Variants in CCN4 observed in about 807,000 individuals in gnomAD.
CCN4 encodes CCN family member 4.
CCN4 carries 30 observed loss-of-function variants against 36.7 expected under a neutral mutation model. The ratio of observed to expected loss-of-function variants is 0.82; its 90% CI spans 0.61 to 1.11. The LOEUF (loss-of-function observed/expected upper bound fraction) is 1.11. Among genes scored for constraint, CCN4 ranks in the 50% least tolerant of loss-of-function variants. The pLI is 0.00. For synonymous variants in CCN4, 191 were observed against 195.4 expected (o/e 0.98, Z 0.19); for missense variants, 505 against 504.9 (o/e 1.00, Z 0.00).
intron 3 of CCN4, among the ~76,000 whole-genome samples, chr8:133,221,303 A>G (rs966066769): frequency 1.3e-4 from 20 of 152,212 alleles, no homozygotes; most frequent in African/African-American, 4.8e-4. Flanking sequence ...GAAGCCCTGG[A>G]AAAGAAGAGT....
intron 1 of CCN4, among the ~76,000 whole-genome samples, chr8:133,194,628 G>T (rs1853274055): frequency 7.8e-6 from 1 of 127,516 alleles, no homozygotes. Context: ...AGTGTGTGTG[G>T]GGTGTGTGGG....
intron 1 of CCN4, among the ~76,000 whole-genome samples, chr8:133,202,683 G>A (rs1051763081): frequency 2.6e-5 from 4 of 152,198 alleles, no homozygotes; most frequent in African/African-American, 7.2e-5. Flanking sequence ...GTGCGGTGGG[G>A]GAAGGAGGAG....
chr8:133,194,929 TGTGTGTGTG>T (rs1564248885), intron 1 of CCN4, among the ~76,000 whole-genome samples: 1 of 137,110 alleles, frequency 7.3e-6, no homozygotes, highest in Non-Finnish European at 1.6e-5. Context: ...ATGGTGTGTT[TGTGTGTGTG>T]GTGTGTGTGT....
intron 1 of CCN4, among the ~76,000 whole-genome samples, chr8:133,199,588 C>T (rs926831287): frequency 1.3e-5 from 2 of 152,132 alleles, no homozygotes; most frequent in Non-Finnish European, 2.9e-5. Context: ...TCTCATGGTC[C>T]TTTTGGGAGC....
intron 2 of CCN4, among the ~76,000 whole-genome samples, chr8:133,214,282 A>T (rs1160171553): frequency 9.6e-4 from 1 of 1,044 alleles, no homozygotes; most frequent in Non-Finnish European, 1.7e-3. Context: ...CTCAATAACC[A>T]CCTGATATAA....
At chr8:133,225,705 T>A in intron 4 of CCN4, 122 bp downstream of exon 4, 1 of 1,009,246 alleles carries the variant, frequency 9.9e-7, no homozygotes, top group Non-Finnish European at 1.4e-6. Flanking sequence ...GCTCACCTGG[T>A]AGGTCTGGTG....
Position 133,220,744 on chromosome 8 carries a change from G to A in CCN4, c.513G>A (p.Arg171=), listed in dbSNP as rs929291998. The change falls in exon 3 of 5, where the codon CGG becomes CGA. Residue 171 remains arginine (R), a synonymous_variant. Coordinates refer to ENST00000250160, the MANE Select transcript of CCN4 (RefSeq NM_003882.4). ...CGCGTCTCTGGTGCCCCCACCCGCG[G>A]CGCGTGAGCATACCTGGCCACTGCT... The part of the protein sequence containing the change: ...RPPRLWCPHP[R]RVSIPGHCCE... 15 of 1,613,536 alleles carry A rather than the reference G, an allele frequency of 9.3e-6. No homozygotes were observed. Among genetic ancestry groups the A allele is most frequent in the Non-Finnish European group, 1.3e-5 (15 of 1,179,958 alleles).
At chr8:133,221,949 TATAA>T (rs760549797) in intron 3 of CCN4, among the ~76,000 whole-genome samples, 3 of 142,754 alleles carry the variant, frequency 2.1e-5, no homozygotes, top group Non-Finnish European at 4.6e-5. Flanking sequence ...TGGATAGATG[TATAA>T]ATAAGTAGAC....
intron 1 of CCN4, among the ~76,000 whole-genome samples, chr8:133,193,038 G>T (rs1378362274): frequency 6.6e-6 from 1 of 152,218 alleles, no homozygotes; most frequent in Non-Finnish European, 1.5e-5. Flanking sequence ...CTGGGACAGA[G>T]GTGTGCACGG....
Position 133,193,068 on chromosome 8 carries a change from T to C in CCN4, c.69+1855T>C, listed in dbSNP as rs545306942. Reference sequence around the variant, plus strand: ...GCACGGCACTGGAGTTCTCAGGATGTCCTGAAAGCCCCGCCCCCTGTGTGG... The same window carrying C: ...GCACGGCACTGGAGTTCTCAGGATGCCCTGAAAGCCCCGCCCCCTGTGTGG... On this transcript the variant is annotated intron_variant, in intron 1 of 4. Coordinates refer to ENST00000250160, the MANE Select transcript of CCN4 (RefSeq NM_003882.4). 5.0e-4 allele frequency among the ~76,000 whole-genome samples: 76 copies of C among 152,282 alleles called. 1 individual carries two copies. Among genetic ancestry groups the C allele is most frequent in the Admixed American group, 1.9e-3 (29 of 15,298 alleles).
chr8:133,208,035 G>A (rs1455027530), intron 1 of CCN4, among the ~76,000 whole-genome samples: 1 of 146,732 alleles, frequency 6.8e-6, no homozygotes, highest in Non-Finnish European at 1.5e-5. Context: ...CTCATGTACA[G>A]TAGTGGGAAA....
intron 1 of CCN4, among the ~76,000 whole-genome samples, chr8:133,199,893 C>T (rs188200056): frequency 5.5e-4 from 84 of 152,244 alleles, no homozygotes; most frequent in African/African-American, 1.9e-3. Context: ...CTGATGTTCA[C>T]GAGAGCCCTA....
intron 1 of CCN4, among the ~76,000 whole-genome samples, chr8:133,209,937 C>T (rs1853939223): frequency 6.6e-6 from 1 of 152,192 alleles, no homozygotes; most frequent in South Asian, 2.1e-4. Flanking sequence ...GATGAAGATG[C>T]TGTTCCAAGG....
rs376580647 is a variant in CCN4 at position 133,214,090 on chromosome 8, T to C, written c.349+947T>C. ...ATATACACTATATATAGTAGTTATA[T>C]AAACTATATATAGTATATATAGTAG... On this transcript the variant is annotated intron_variant, in intron 2 of 4. Transcript: ENST00000250160. Among the ~76,000 whole-genome samples the C allele has an allele frequency of 4.4e-3, 506 of 114,202 alleles. 1 individual carries two copies. Among genetic ancestry groups the C allele is most frequent in the Admixed American group, 6.4e-3 (63 of 9,838 alleles). The allele number at this position is 114,202 out of a possible 152,430, so 74.9% of individuals were successfully genotyped here. A position where few individuals can be genotyped will look rare whatever the true frequency, so the allele number is the denominator to read the frequency against.
In CCN4 at chr8:133,229,731, C is replaced by T. The variant is rs1854888014; in HGVS notation, c.*2021C>T. 1 of 152,208 alleles carries T rather than the reference C, an allele frequency of 6.6e-6. No homozygotes were observed. Among genetic ancestry groups the T allele is most frequent in the African/African-American group, 2.4e-5 (1 of 41,452 alleles). The allele number at this position is 152,208 out of a possible 1,614,324, so 9.4% of individuals were successfully genotyped here. ...TGTGTTCCTACTTTTATTCGAAGCT[C>T]TCTTCTTCCAAAGCTACATGAAAAT... On this transcript the variant is annotated 3_prime_UTR_variant, in exon 5 of 5. Coordinates refer to ENST00000250160, the MANE Select transcript of CCN4 (RefSeq NM_003882.4).
chr8:133,192,185 C>T (rs1368772837), intron 1 of CCN4, among the ~76,000 whole-genome samples: 1 of 152,100 alleles, frequency 6.6e-6, no homozygotes, highest in Non-Finnish European at 1.5e-5. Context: ...TGATGGCTTC[C>T]TTGGGGGTTA....
At chr8:133,224,534 C>A (rs999462776) in intron 3 of CCN4, among the ~76,000 whole-genome samples, 4 of 152,078 alleles carry the variant, frequency 2.6e-5, no homozygotes, top group African/African-American at 7.2e-5. Context: ...CCACTATGCC[C>A]TCGGCATCAC....
chr8:133,197,614 G>A (rs1853435839), intron 1 of CCN4, among the ~76,000 whole-genome samples: 1 of 152,198 alleles, frequency 6.6e-6, no homozygotes, highest in Admixed American at 6.5e-5. Flanking sequence ...CGAGGGAGAA[G>A]AGACTGCCTC....
At chr8:133,224,228 CCTTTTTTT>C (rs1275450205) in intron 3 of CCN4, among the ~76,000 whole-genome samples, 2 of 58,904 alleles carry the variant, frequency 3.4e-5, no homozygotes, top group African/African-American at 1.4e-4. Context: ...GCCCGTAAGT[CCTTTTTTT>C]TTTTTTTTTT....
Sources: gnomAD v4.1 joint callset for allele counts (sites outside exome capture counted in the v4.1 genomes callset) on GRCh38, gnomAD v4.1.1 for gene constraint, MANE v1.5 for transcripts, NCBI Gene and HGNC (gene_info 2026-07-23, HGNC 2026-07-21) for gene names.